HIP1: variants seen among roughly 807,000 people sequenced by gnomAD.
HIP1 encodes huntingtin-interacting protein 1.
In HIP1, 65 loss-of-function variants were observed where a neutral mutation model predicts 147.6. That is an observed-to-expected ratio of 0.44 (90% CI 0.36 to 0.54). HIP1 has a LOEUF of 0.54. HIP1 is among the 20% of genes least tolerant of loss of function. The pLI is 0.00. For missense variants in HIP1, 1,061 were observed against 1,299.6 expected, an observed-to-expected ratio of 0.82 and a Z score of 2.82; for synonymous variants, 479 against 504.0, an observed-to-expected ratio of 0.95 and a Z score of 0.67.
intron 9 of HIP1, 179 bp from the exon 10 acceptor site, chr7:75,563,442 T>C (rs1795299578): frequency 1.7e-6 from 1 of 600,020 alleles, no homozygotes; most frequent in African/African-American, 1.8e-5. Flanking sequence ...TTAAAGCTGG[T>C]CCTCAGTGAC....
Position 75,573,764 on chromosome 7 carries a change from A to G in HIP1, c.742T>C (p.Ser248Pro), listed in dbSNP as rs782611823. 2.6e-5 allele frequency: 42 copies of G among 1,613,726 alleles called. No homozygotes were observed. The South Asian group carries it at 4.3e-4, about 16-fold the overall frequency. The part of the protein sequence containing the change: ...YTVKLLFKLH[S>P]CLPADTLQGH... Reference sequence around the variant, plus strand: ...AGATCTGGCCCGCGGTACTCACAGGAGTGGAGTTTGAAGAGAAGCTTGACA... The same window carrying G: ...AGATCTGGCCCGCGGTACTCACAGGGGTGGAGTTTGAAGAGAAGCTTGACA... Residue 248 changes from serine to proline, a missense_variant, in exon 8 of 31, where the codon TCC (serine) becomes CCC (proline). Ser to Pro is a moderately conservative substitution (Grantham distance 74, BLOSUM62 -1). Coordinates refer to ENST00000336926, the MANE Select transcript of HIP1 (RefSeq NM_005338.7).
chr7:75,573,322 C>T (rs1276592959), intron 8 of HIP1, among the ~76,000 whole-genome samples: 2 of 152,210 alleles, frequency 1.3e-5, no homozygotes, highest in Non-Finnish European at 2.9e-5. Flanking sequence ...GAGAGCTGAA[C>T]ACTCGACAGG....
chr7:75,716,827 G>GGC lies in HIP1; in HGVS notation c.120+21973_120+21974insGC, dbSNP rs1432684158. On this transcript the variant is annotated intron_variant, in intron 1 of 30. Transcript: ENST00000336926. ...AACCACCACGCCCAGCTTTTTTTTA[G>GGC]GGGGGGGGAAAGGATCTCACTCTGT... Among the ~76,000 whole-genome samples, 1,000 of 132,822 alleles carry GGC rather than the reference G, an allele frequency of 7.5e-3. 11 individuals are homozygous for GGC. Among genetic ancestry groups the GGC allele is most frequent in the African/African-American group, 0.033 (936 of 28,478 alleles). The allele number at this position is 132,822 out of a possible 152,430, so 87.1% of individuals were successfully genotyped here. A position where few individuals can be genotyped will look rare whatever the true frequency, so the allele number is the denominator to read the frequency against.
intron 1 of HIP1, among the ~76,000 whole-genome samples, chr7:75,632,158 C>T (rs10234360): frequency 0.034 from 5,157 of 152,184 alleles, 138 homozygotes; most frequent in East Asian, 0.15. Context: ...GATGCGTGGT[C>T]GCCCTTGGTG....
At chr7:75,728,995 A>G (rs1297603579) in intron 1 of HIP1, among the ~76,000 whole-genome samples, 1 of 151,678 alleles carries the variant, frequency 6.6e-6, no homozygotes, top group Non-Finnish European at 1.5e-5. Flanking sequence ...TACCTAGGTG[A>G]CAGGATCATT....
At chr7:75,689,951 C>A (rs1800390774) in intron 1 of HIP1, among the ~76,000 whole-genome samples, 1 of 152,074 alleles carries the variant, frequency 6.6e-6, no homozygotes, top group African/African-American at 2.4e-5. Context: ...CGGTCTGCAG[C>A]CCTGATGGCA....
At chr7:75,553,344 T>C in intron 22 of HIP1, 109 bp downstream of exon 22, 2 of 1,334,262 alleles carry the variant, frequency 1.5e-6, no homozygotes, top group South Asian at 2.6e-5. Flanking sequence ...TAGAATCAAG[T>C]TCTAAGTGCA....
intron 1 of HIP1, among the ~76,000 whole-genome samples, chr7:75,696,714 C>T (rs1554518803): frequency 6.6e-6 from 1 of 150,676 alleles, no homozygotes; most frequent in Non-Finnish European, 1.5e-5. Context: ...GATTCTTGTG[C>T]CTCAACCTCC....
At chr7:75,701,001 G>A (rs991764383) in intron 1 of HIP1, among the ~76,000 whole-genome samples, 1 of 152,068 alleles carries the variant, frequency 6.6e-6, no homozygotes, top group Non-Finnish European at 1.5e-5. Context: ...CACCACACCC[G>A]GCCCCTGACC....
At chr7:75,711,043 G>T (rs6978214) in intron 1 of HIP1, among the ~76,000 whole-genome samples, 13,477 of 152,070 alleles carry the variant, frequency 0.089, 992 homozygotes, top group African/African-American at 0.19. Flanking sequence ...CTACCTATGA[G>T]AACTGCACAC....
chr7:75,615,228 C>T (rs1393848227), intron 1 of HIP1, among the ~76,000 whole-genome samples: 2 of 152,040 alleles, frequency 1.3e-5, no homozygotes, highest in African/African-American at 4.8e-5. Flanking sequence ...GGCACCACAC[C>T]AGGGGCTGTG....
chr7:75,559,283 CTT>C (rs782067251), intron 14 of HIP1, among the ~76,000 whole-genome samples: 1 of 151,970 alleles, frequency 6.6e-6, no homozygotes, highest in Non-Finnish European at 1.5e-5. Flanking sequence ...CCCGGCTAGT[CTT>C]TTTTATTTTT....
Position 75,556,073 on chromosome 7 carries a change from G to A in HIP1, c.1780C>T (p.Leu594Phe), listed in dbSNP as rs782040169. 3.5e-5 allele frequency: 56 copies of A among 1,614,090 alleles called. No individual in the cohort carries two copies. The highest frequency in any genetic ancestry group is 1.7e-4 in the Admixed American group (10 of 59,986). The change falls in exon 18 of 31, where the codon CTT becomes TTT. Residue 594 changes from leucine (L) to phenylalanine (F), a missense_variant. Coordinates refer to ENST00000336926, the MANE Select transcript of HIP1 (RefSeq NM_005338.7). ...TGAGTGTCCTGCAGTTCTTTCCGAA[G>A]AGCAGATAATTCCTCCTCCCTATGA... is the stretch of plus-strand genomic sequence containing the variant. ...AAHREEELSA[L>F]RKELQDTQLK...
chr7:75,609,589 T>C (rs1797352515), intron 1 of HIP1, among the ~76,000 whole-genome samples: 1 of 151,854 alleles, frequency 6.6e-6, no homozygotes, highest in Admixed American at 6.6e-5. Flanking sequence ...AACAGAGTCT[T>C]GCCCTGTCGC....
At chr7:75,661,600 GACA>G (rs1554513604) in intron 1 of HIP1, among the ~76,000 whole-genome samples, 1 of 150,894 alleles carries the variant, frequency 6.6e-6, no homozygotes, top group African/African-American at 2.4e-5. Context: ...AAAAGGGAGG[GACA>G]ACAAGTAGAA....
chr7:75,543,425 C>T (rs1286989174), intron 27 of HIP1, among the ~76,000 whole-genome samples: 2 of 152,088 alleles, frequency 1.3e-5, no homozygotes, highest in East Asian at 1.9e-4. Context: ...GATCTTAGCT[C>T]ACTGCAACCT....
chr7:75,654,833 A>T (rs1799099933), intron 1 of HIP1: 3 of 152,172 alleles, frequency 2.0e-5, no homozygotes, highest in Non-Finnish European at 4.4e-5. Flanking sequence ...TGGGCAACAT[A>T]GCAAGAGCCC....
At chr7:75,708,584 C>T (rs1363464317) in intron 1 of HIP1, among the ~76,000 whole-genome samples, 2 of 151,892 alleles carry the variant, frequency 1.3e-5, no homozygotes, top group African/African-American at 2.4e-5. Context: ...TCCAGTTTTC[C>T]CAGCACTATC....
chr7:75,551,854 G>A (rs1420447011), intron 22 of HIP1, among the ~76,000 whole-genome samples: 2 of 152,038 alleles, frequency 1.3e-5, no homozygotes, highest in African/African-American at 4.8e-5. Flanking sequence ...ATCTTCTTCT[G>A]GAACTCCAAT....
Sources: allele counts gnomAD v4.1 joint callset (sites outside exome capture counted in the v4.1 genomes callset), GRCh38; gene constraint gnomAD v4.1.1; transcripts MANE v1.5; gene names NCBI Gene and HGNC (gene_info 2026-07-23, HGNC 2026-07-21).